The following ANKRD11 variants were observed in gnomAD, a reference collection of about 807,000 sequenced individuals.
ANKRD11 encodes ankyrin repeat domain 11.
A neutral mutation model predicts 195.7 loss-of-function variants in ANKRD11; 17 were observed. That is an observed-to-expected ratio of 0.09 (90% confidence interval 0.06 to 0.13). ANKRD11 has a LOEUF of 0.13. ANKRD11 is among the 10% of genes least tolerant of loss of function. The pLI, the probability that ANKRD11 is intolerant of heterozygous loss-of-function variation, is 1.00. For missense variants in ANKRD11, 3,735 were observed against 3,566.1 expected, an observed-to-expected ratio of 1.05 and a Z score of -1.21; for synonymous variants, 1,953 against 1,528.1, an observed-to-expected ratio of 1.28 and a Z score of -6.49.
At chr16:89,313,174 G>C in intron 3 of ANKRD11, 1 of 860,260 alleles carries the variant, frequency 1.2e-6, no homozygotes, top group Non-Finnish European at 1.6e-6. Context: ...GAACCACCAA[G>C]TGAAGCTCAG....
chr16:89,449,533 C>T (rs1217976777), intron 1 of ANKRD11, among the ~76,000 whole-genome samples: 1 of 152,132 alleles, frequency 6.6e-6, no homozygotes, highest in Non-Finnish European at 1.5e-5. Flanking sequence ...GTGGCTCATG[C>T]CTGTAATCCG....
At chr16:89,326,139 C>T (rs1401623746) in intron 2 of ANKRD11, among the ~76,000 whole-genome samples, 1 of 152,166 alleles carries the variant, frequency 6.6e-6, no homozygotes, top group East Asian at 1.9e-4. Context: ...GAAAAGCAGG[C>T]GTGTGTGTTA....
intron 12 of ANKRD11, among the ~76,000 whole-genome samples, chr16:89,269,084 G>T (rs2032897537): frequency 6.6e-6 from 1 of 152,236 alleles, no homozygotes; most frequent in African/African-American, 2.4e-5. Flanking sequence ...CACATAAGGG[G>T]ACTGGACTGG....
intron 9 of ANKRD11, among the ~76,000 whole-genome samples, chr16:89,276,563 C>T (rs1334313942): frequency 2.6e-5 from 4 of 152,184 alleles, no homozygotes; most frequent in Non-Finnish European, 5.9e-5. Context: ...GGCCTCTGAC[C>T]ACACTGCTGA....
At chr16:89,396,277 G>A (rs970563652) in intron 2 of ANKRD11, among the ~76,000 whole-genome samples, 16 of 152,100 alleles carry the variant, frequency 1.1e-4, no homozygotes, top group African/African-American at 3.4e-4. Flanking sequence ...CACGAGTCCC[G>A]GGCACCCAAT....
chr16:89,446,964 G>A (rs1265435392), intron 1 of ANKRD11, among the ~76,000 whole-genome samples: 1 of 151,994 alleles, frequency 6.6e-6, no homozygotes, highest in African/African-American at 2.4e-5. Context: ...AGTGCCTCAC[G>A]GGCCAGGTCC....
At chr16:89,357,079 G>A (rs1051671553) in intron 2 of ANKRD11, among the ~76,000 whole-genome samples, 4 of 152,224 alleles carry the variant, frequency 2.6e-5, no homozygotes, top group East Asian at 3.8e-4. Flanking sequence ...ATAGCCAAAG[G>A]GCAGTGGTGG....
At chr16:89,411,067 G>A (rs924888592) in intron 2 of ANKRD11, among the ~76,000 whole-genome samples, 7 of 151,942 alleles carry the variant, frequency 4.6e-5, no homozygotes, top group East Asian at 1.9e-4. Flanking sequence ...AGGGAGGGGC[G>A]GCCAGTGCAG....
intron 2 of ANKRD11, among the ~76,000 whole-genome samples, chr16:89,346,796 A>C (rs1043262341): frequency 6.6e-6 from 1 of 152,264 alleles, no homozygotes; most frequent in South Asian, 2.1e-4. Context: ...AGAGACTCTA[A>C]AAGTTAGAAT....
Position 89,270,960 on chromosome 16 carries a change from G to A in ANKRD11, c.7714-51C>T, listed in dbSNP as rs78592753. The A allele has an allele frequency of 8.3e-5, 131 of 1,572,452 alleles. 1 individual carries two copies. The African/African-American group carries it at 1.4e-3, about 17-fold the overall frequency. On this transcript the variant is annotated intron_variant, in intron 11 of 12. Coordinates refer to ENST00000301030, the MANE Select transcript of ANKRD11 (RefSeq NM_013275.6). Reference sequence around the variant, plus strand: ...CATCAGGAGCCCCAGAGACCGCTACGGGAAGGCATGCCAGCCTGGGCGATG... The same window carrying A: ...CATCAGGAGCCCCAGAGACCGCTACAGGAAGGCATGCCAGCCTGGGCGATG...
chr16:89,360,624 A>G (rs1398921728), intron 2 of ANKRD11: 1 of 152,226 alleles, frequency 6.6e-6, no homozygotes, highest in Non-Finnish European at 1.5e-5. Flanking sequence ...AAGCCAGTGC[A>G]CCTGAGATGA....
intron 1 of ANKRD11, among the ~76,000 whole-genome samples, chr16:89,449,780 C>T (rs1449969649): frequency 2.0e-5 from 3 of 152,002 alleles, no homozygotes; most frequent in East Asian, 1.9e-4. Context: ...GCAACAAAAG[C>T]GAAACTCCAT....
chr16:89,418,873 G>A (rs915564040), intron 1 of ANKRD11, among the ~76,000 whole-genome samples: 2 of 151,256 alleles, frequency 1.3e-5, no homozygotes, highest in Admixed American at 6.6e-5. Context: ...GGGTTCAAGC[G>A]ATTCTCCTAC....
chr16:89,435,283 T>A (rs1597394064), intron 1 of ANKRD11, among the ~76,000 whole-genome samples: 1 of 152,094 alleles, frequency 6.6e-6, no homozygotes, highest in East Asian at 1.9e-4. Flanking sequence ...AATGGCCCAA[T>A]CAGCGCTCTG....
At chr16:89,465,655 T>C (rs564649862) in intron 1 of ANKRD11, among the ~76,000 whole-genome samples, 1 of 152,368 alleles carries the variant, frequency 6.6e-6, no homozygotes, top group East Asian at 1.9e-4. Flanking sequence ...GCACGTCACG[T>C]GGACGAGCTA....
chr16:89,323,406 G>A (rs2037463452), intron 2 of ANKRD11: 12 of 1,191,138 alleles, frequency 1.0e-5, no homozygotes, highest in Non-Finnish European at 1.3e-5. Flanking sequence ...AAGCAGCCCA[G>A]GGCAGGGGGG....
At chr16:89,376,477 A>G (rs2040428696) in intron 2 of ANKRD11, among the ~76,000 whole-genome samples, 4 of 152,244 alleles carry the variant, frequency 2.6e-5, no homozygotes, top group Non-Finnish European at 5.9e-5. Context: ...TTGTTCCGTC[A>G]CCCAGGCTGG....
intron 2 of ANKRD11, chr16:89,323,294 G>A (rs1419283260): frequency 4.7e-6 from 6 of 1,288,998 alleles, no homozygotes; most frequent in Non-Finnish European, 5.1e-6. Context: ...AAGCCCTTGA[G>A]TGACACACCC....
intron 2 of ANKRD11, among the ~76,000 whole-genome samples, chr16:89,383,806 C>T (rs921849998): frequency 1.3e-5 from 2 of 152,188 alleles, no homozygotes; most frequent in African/African-American, 4.8e-5. Flanking sequence ...CATGATAGCA[C>T]CCAGAGGGCA....
Sources: allele counts gnomAD v4.1 joint callset (sites outside exome capture counted in the v4.1 genomes callset), GRCh38; gene constraint gnomAD v4.1.1; transcripts MANE v1.5; gene names NCBI Gene and HGNC (gene_info 2026-07-23, HGNC 2026-07-21).